ORC1: variants seen among roughly 807,000 people sequenced by gnomAD.
The protein encoded by ORC1 is origin recognition complex, subunit 1 homolog.
A neutral mutation model predicts 98.9 loss-of-function variants in ORC1; 61 were observed. That is an observed-to-expected ratio of 0.62 (90% CI 0.50 to 0.76). The LOEUF (loss-of-function observed/expected upper bound fraction) is 0.76. ORC1 is among the 30% of genes least tolerant of loss of function. ORC1 has a pLI of 0.00. For missense variants in ORC1, 979 were observed against 1,072.2 expected, an observed-to-expected ratio of 0.91 and a Z score of 1.21; for synonymous variants, 385 against 406.9, an observed-to-expected ratio of 0.95 and a Z score of 0.65.
At chr1:52,396,691 C>T (rs780960301) in intron 4 of ORC1, among the ~76,000 whole-genome samples, 1 of 152,092 alleles carries the variant, frequency 6.6e-6, no homozygotes, top group Non-Finnish European at 1.5e-5. Flanking sequence ...TGCATCCTCT[C>T]ACTCCTGGGT....
At chr1:52,379,545 A>G (rs1647035874) in intron 14 of ORC1, among the ~76,000 whole-genome samples, 1 of 152,060 alleles carries the variant, frequency 6.6e-6, no homozygotes. Context: ...ACCCAGCCAA[A>G]AGTAGAGAAT....
intron 3 of ORC1, among the ~76,000 whole-genome samples, chr1:52,400,803 G>A (rs1456002603): frequency 1.3e-5 from 2 of 152,130 alleles, no homozygotes; most frequent in South Asian, 2.1e-4. Context: ...AGGGGCAGCC[G>A]TGGCTTCCTG....
intron 10 of ORC1, 122 bp downstream of exon 10, chr1:52,385,039 A>G: frequency 2.5e-6 from 2 of 789,420 alleles, no homozygotes; most frequent in Non-Finnish European, 4.6e-6. Context: ...GGGCTTCAGC[A>G]ACGATTTGGT....
At chr1:52,401,234 A>T in intron 3 of ORC1, 128 bp downstream of exon 3, 1 of 1,164,502 alleles carries the variant, frequency 8.6e-7, no homozygotes, top group Non-Finnish European at 1.3e-6. Context: ...AGACGCAGCT[A>T]GTTCTTACGT....
intron 14 of ORC1, 110 bp downstream of exon 14, chr1:52,381,532 C>T (rs1274685140): frequency 8.9e-5 from 104 of 1,173,954 alleles, no homozygotes; most frequent in Admixed American, 1.4e-4. Context: ...TATTTTTACA[C>T]GACTTTCTAA....
At chr1:52,373,936 C>T (rs1166173761) in intron 16 of ORC1, among the ~76,000 whole-genome samples, 2 of 152,192 alleles carry the variant, frequency 1.3e-5, no homozygotes, top group Non-Finnish European at 2.9e-5. Flanking sequence ...CCTACCCTAA[C>T]GTTCTCTACT....
chr1:52,393,773 G>A lies in ORC1; in HGVS notation c.752C>T (p.Thr251Ile), dbSNP rs1647281896. The A allele has an allele frequency of 1.9e-6, 3 of 1,613,768 alleles. No individual in the cohort carries two copies. ...TGGAGAATCCAAGGAGGCACATGAA[G>A]TCTGCTGGGACATCTGAGGGTTACC... ...NLGNPQMSQQ[T>I]SCASLDSPGR... is the part of the protein sequence containing the mutation. The change falls in exon 6 of 17, where the codon ACT (threonine) becomes ATT (isoleucine). Residue 251 changes from threonine to isoleucine, a missense_variant. Coordinates refer to ENST00000371568, the MANE Select transcript of ORC1 (RefSeq NM_004153.4).
intron 16 of ORC1, 146 bp downstream of exon 16, chr1:52,374,664 G>T: frequency 2.9e-6 from 2 of 689,480 alleles, no homozygotes; most frequent in Non-Finnish European, 2.7e-6. Context: ...TCTACAAAAT[G>T]TCACATTAAA....
chr1:52,393,477 A>G lies in ORC1; in HGVS notation c.1048T>C (p.Ser350Pro). 6.2e-7 allele frequency: 1 copy of G among 1,614,148 alleles called. No homozygotes were observed. The highest frequency in any genetic ancestry group is 8.5e-7 in the Non-Finnish European group (1 of 1,180,032). The change falls in exon 6 of 17, where the codon TCC (serine) becomes CCC (proline). Residue 350 changes from serine (S) to proline (P), a missense_variant. Transcript: ENST00000371568. ...SGGQRSSVVP[S>P]VILKPENIKK... ...ATGTTTTCTGGTTTCAGAATCACGG[A>G]TGGCACCACTGAAGATCTCTGTCCC...
At chr1:52,393,848 T>C (rs769427657) in intron 5 of ORC1, 45 bp from the exon 6 acceptor site, 1 of 1,599,944 alleles carries the variant, frequency 6.3e-7, no homozygotes, top group South Asian at 1.1e-5. Flanking sequence ...CCTAACAATA[T>C]ACAAACCCAC....
intron 6 of ORC1, among the ~76,000 whole-genome samples, chr1:52,393,062 A>AAAC (rs563090391): frequency 1.1e-4 from 16 of 152,352 alleles, no homozygotes; most frequent in Non-Finnish European, 2.2e-4. Flanking sequence ...AAATAAAATG[A>AAAC]AACAACAACA....
At chr1:52,393,394 C>A (rs779777537) in intron 6 of ORC1, 49 bp downstream of exon 6, 5 of 1,611,538 alleles carry the variant, frequency 3.1e-6, no homozygotes, top group South Asian at 1.1e-5. Flanking sequence ...ACATACTTCA[C>A]GTGATGTGAA....
upstream of ORC1, chr1:52,404,491 C>T: frequency 2.8e-6 from 1 of 352,820 alleles, no homozygotes; most frequent in South Asian, 3.7e-5. Flanking sequence ...GCGACACCAA[C>T]TAGCTCGCCC....
At chr1:52,393,340 C>G (rs1647263987) in intron 6 of ORC1, 103 bp downstream of exon 6, 1 of 1,490,410 alleles carries the variant, frequency 6.7e-7, no homozygotes, top group Admixed American at 1.7e-5. Flanking sequence ...ACTTCTGTGA[C>G]ATAGGTTTTT....
upstream of ORC1, chr1:52,408,556 A>G (rs764752516): frequency 5.0e-6 from 8 of 1,613,992 alleles, no homozygotes; most frequent in Admixed American, 3.3e-5. Context: ...TTTCACTGTC[A>G]TCTGTCTCTC....
At chr1:52,403,437 C>G (rs1647827584) in intron 1 of ORC1, among the ~76,000 whole-genome samples, 1 of 152,198 alleles carries the variant, frequency 6.6e-6, no homozygotes, top group African/African-American at 2.4e-5. Flanking sequence ...CTAAAGTCCA[C>G]ATATTGCCCT....
intron 3 of ORC1, among the ~76,000 whole-genome samples, chr1:52,398,534 G>C (rs1439286787): frequency 6.6e-6 from 1 of 151,580 alleles, no homozygotes; most frequent in East Asian, 1.9e-4. Context: ...AAAGTGCTGG[G>C]ATTACAGGCA....
chr1:52,374,476 T>C (rs538482782), intron 16 of ORC1, among the ~76,000 whole-genome samples: 6 of 152,348 alleles, frequency 3.9e-5, no homozygotes, highest in East Asian at 3.9e-4. Flanking sequence ...AGGGATTGGA[T>C]TGATCTGTGA....
At chr1:52,381,549 C>G in intron 14 of ORC1, 93 bp downstream of exon 14, 1 of 1,346,290 alleles carries the variant, frequency 7.4e-7, no homozygotes, top group Non-Finnish European at 1.0e-6. Flanking sequence ...CTAAATTTCT[C>G]TCCAACCTCA....
Sources: allele counts gnomAD v4.1 joint callset (sites outside exome capture counted in the v4.1 genomes callset), GRCh38; gene constraint gnomAD v4.1.1; transcripts MANE v1.5; gene names NCBI Gene and HGNC (gene_info 2026-07-23, HGNC 2026-07-21).